SORBS2: variants seen among roughly 807,000 people sequenced by gnomAD.
The protein encoded by SORBS2 is sorbin and SH3 domain containing 2, also known as sorbin and SH3 domain-containing protein 2.
SORBS2 carries 46 observed loss-of-function variants against 97.7 expected under a neutral mutation model. That is an observed-to-expected ratio of 0.47 (90% CI 0.37 to 0.60). The LOEUF (loss-of-function observed/expected upper bound fraction) is 0.60. Among genes scored for constraint, SORBS2 ranks in the 20% least tolerant of loss-of-function variants. The probability of loss-of-function intolerance (pLI) is 0.00; values close to 1 mark genes in which losing one functional copy is unlikely to be tolerated. For synonymous variants in SORBS2, 476 were observed against 473.4 expected, an observed-to-expected ratio of 1.01 and a Z score of -0.07; for missense variants, 1,316 against 1,282.3, an observed-to-expected ratio of 1.03 and a Z score of -0.40.
intron 4 of SORBS2, among the ~76,000 whole-genome samples, chr4:185,635,767 T>C (rs1489976571): frequency 2.6e-5 from 4 of 152,244 alleles, no homozygotes; most frequent in African/African-American, 9.6e-5. Flanking sequence ...TGAGTTTCCA[T>C]GTGTGACTGA....
chr4:185,929,009 A>T (rs1435976056), intron 1 of SORBS2, among the ~76,000 whole-genome samples: 1 of 152,204 alleles, frequency 6.6e-6, no homozygotes, highest in Non-Finnish European at 1.5e-5. Context: ...AGGAAAAACT[A>T]CTGTCATTCA....
At chr4:185,765,752 AT>A (rs200169558) in intron 2 of SORBS2, among the ~76,000 whole-genome samples, 1 of 152,196 alleles carries the variant, frequency 6.6e-6, no homozygotes, top group African/African-American at 2.4e-5. Flanking sequence ...GGCATCATCA[AT>A]TTTTTTACCA....
rs201373788 is a variant in SORBS2, at chr4:185,652,750, A to T, written c.25-22T>A. Reference sequence around the variant, plus strand: ...CTGTCTGTAATGAAGAGAGCGTCCAATGGTTACAAACTGGCTTCCAATCAA... The same window carrying T: ...CTGTCTGTAATGAAGAGAGCGTCCATTGGTTACAAACTGGCTTCCAATCAA... On this transcript the variant is annotated intron_variant, in intron 1 of 14. Coordinates refer to ENST00000418609, the Ensembl canonical transcript of SORBS2. 7 of 1,599,858 alleles carry T rather than the reference A, an allele frequency of 4.4e-6. No individual in the cohort carries two copies. The Admixed American group carries it at 1.2e-4, about 27-fold the overall frequency.
At chr4:185,762,304 T>C (rs945063861) in intron 2 of SORBS2, among the ~76,000 whole-genome samples, 1 of 152,124 alleles carries the variant, frequency 6.6e-6, no homozygotes, top group Admixed American at 6.5e-5. Flanking sequence ...GCATTGAATT[T>C]GAGGTACTCA....
Position 185,623,579 on chromosome 4 carries a change from A to G in SORBS2, c.1550T>C (p.Leu517Pro), listed in dbSNP as rs1317981189. The G allele has an allele frequency of 3.7e-6, 6 of 1,613,976 alleles. No homozygotes were observed. In the African/African-American group the frequency reaches 4.0e-5, roughly 11 times the overall value. The change falls in exon 7 of 15, where the codon CTA becomes CCA. Residue 517 changes from leucine to proline, a missense_variant. Leu to Pro is a moderately conservative substitution (Grantham distance 98, BLOSUM62 -3). Coordinates refer to ENST00000418609, the Ensembl canonical transcript of SORBS2. The surrounding 1 kb of genome is among the most constrained non-coding windows in gnomAD (Gnocchi z 6.4). ...TTCACTGCAGAAGGATGACCCCTCTAGGTGAATGTAGTCACTGTGGTCGGA... is the reference window on the plus strand; with the variant it reads ...TTCACTGCAGAAGGATGACCCCTCTGGGTGAATGTAGTCACTGTGGTCGGA...
intron 1 of SORBS2, among the ~76,000 whole-genome samples, chr4:185,803,074 T>C (rs1159289148): frequency 1.3e-5 from 2 of 152,162 alleles, no homozygotes; most frequent in Non-Finnish European, 2.9e-5. Context: ...AACAAATACT[T>C]AGAGGGCCAG....
intron 1 of SORBS2, among the ~76,000 whole-genome samples, chr4:185,892,228 G>A (rs973785623): frequency 2.0e-5 from 3 of 152,204 alleles, no homozygotes; most frequent in African/African-American, 7.2e-5. Flanking sequence ...TAACCTGAGT[G>A]TACAGAAGAA....
intron 1 of SORBS2, among the ~76,000 whole-genome samples, chr4:185,783,456 A>C (rs574360683): frequency 2.0e-5 from 3 of 152,344 alleles, no homozygotes; most frequent in South Asian, 4.1e-4. Context: ...GGCTGTTAGC[A>C]ACCTCATTGG....
intron 2 of SORBS2, among the ~76,000 whole-genome samples, chr4:185,704,485 A>C (rs2098311626): frequency 6.6e-6 from 1 of 151,846 alleles, no homozygotes. Flanking sequence ...CACCTGGCTA[A>C]TTTTTGCACT....
intron 7 of SORBS2, 119 bp from the exon 20 acceptor site, chr4:185,620,270 C>A: frequency 2.8e-6 from 2 of 713,906 alleles, no homozygotes; most frequent in East Asian, 2.5e-5. Context: ...ACACCGTTAT[C>A]GAACACATGG....
intron 12 of SORBS2, among the ~76,000 whole-genome samples, chr4:185,595,435 CATTT>C (rs1206468503): frequency 6.6e-6 from 1 of 152,010 alleles, no homozygotes; most frequent in Non-Finnish European, 1.5e-5. Context: ...TCTTAAAGGT[CATTT>C]AATTCAAGAT....
At chr4:185,746,651 G>A (rs1293212537) in intron 2 of SORBS2, among the ~76,000 whole-genome samples, 1 of 152,194 alleles carries the variant, frequency 6.6e-6, no homozygotes, top group African/African-American at 2.4e-5. Context: ...TGGGAATGGA[G>A]TTAGCAGTCC....
At chr4:185,629,631 G>A (rs940903120) in intron 5 of SORBS2, among the ~76,000 whole-genome samples, 1 of 145,236 alleles carries the variant, frequency 6.9e-6, no homozygotes, top group Non-Finnish European at 1.5e-5. Flanking sequence ...GTGCAATCTC[G>A]ACTCACTGCA....
chr4:185,692,663 C>A (rs992747295), intron 2 of SORBS2, among the ~76,000 whole-genome samples: 1 of 152,108 alleles, frequency 6.6e-6, no homozygotes, highest in Non-Finnish European at 1.5e-5. Flanking sequence ...ACTTCTCTCC[C>A]AGTGGGGGGA....
At chr4:185,926,496 C>G (rs2099263769) in intron 1 of SORBS2, among the ~76,000 whole-genome samples, 1 of 148,726 alleles carries the variant, frequency 6.7e-6, no homozygotes, top group Non-Finnish European at 1.5e-5. Flanking sequence ...GGGAGGACAT[C>G]TAGTTGGAAA....
intron 1 of SORBS2, among the ~76,000 whole-genome samples, chr4:185,791,519 G>A (rs1327761762): frequency 6.6e-6 from 1 of 152,112 alleles, no homozygotes; most frequent in African/African-American, 2.4e-5. Context: ...AGGTGAGGCT[G>A]TACAGTGTTT....
chr4:185,772,088 T>C (rs1193684913), intron 2 of SORBS2: 1 of 152,216 alleles, frequency 6.6e-6, no homozygotes, highest in Non-Finnish European at 1.5e-5. Flanking sequence ...TTTCAGATCC[T>C]GGGCTTGATT....
chr4:185,608,204 T>C (rs1019043886), intron 12 of SORBS2, among the ~76,000 whole-genome samples: 4 of 152,244 alleles, frequency 2.6e-5, no homozygotes, highest in African/African-American at 7.2e-5. Flanking sequence ...TTCTCACTTA[T>C]GTTTGCAAGG....
chr4:185,932,723 G>A lies in SORBS2; in HGVS notation c.-338+23473C>T, dbSNP rs1044373891. On this transcript the variant is annotated intron_variant, in intron 1 of 20. Transcript: ENST00000284776. Reference sequence around the variant, plus strand: ...CTGTAGGCAGGGCCTGGCCTAAAGCGGATGAGCCCCCCTGGGGCTCGGTTG... The same window carrying A: ...CTGTAGGCAGGGCCTGGCCTAAAGCAGATGAGCCCCCCTGGGGCTCGGTTG... 8.1e-5 allele frequency among the ~76,000 whole-genome samples: 11 copies of A among 136,592 alleles called. No individual in the cohort carries two copies. The East Asian group carries it at 2.1e-3, about 26-fold the overall frequency. The allele number at this position is 136,592 out of a possible 152,430, so 89.6% of individuals were successfully genotyped here. A position where few individuals can be genotyped will look rare whatever the true frequency, so the allele number is the denominator to read the frequency against.
Sources: gnomAD v4.1 joint callset for allele counts (sites outside exome capture counted in the v4.1 genomes callset) on GRCh38, gnomAD v4.1.1 for gene constraint, Gnocchi (gnomAD v3.1) non-coding constraint, MANE v1.5 for transcripts, NCBI Gene and HGNC (gene_info 2026-07-23, HGNC 2026-07-21) for gene names.